CD38: variants seen among roughly 807,000 people sequenced by gnomAD.
CD38 encodes CD38 molecule, also known as ADP-ribosyl cyclase/cyclic ADP-ribose hydrolase 1.
CD38 carries 31 observed loss-of-function variants against 36.3 expected under a neutral mutation model. The observed-to-expected ratio is 0.85, with a 90% CI of 0.64 to 1.15. CD38 has a LOEUF of 1.15. Ranked by LOEUF, CD38 falls within the 50% of genes most tolerant of loss-of-function variation. The pLI is 0.00. For missense variants in CD38, 380 were observed against 371.9 expected (o/e 1.02, Z -0.18); for synonymous variants, 131 against 135.2 (o/e 0.97, Z 0.22).
intron 3 of CD38, among the ~76,000 whole-genome samples, chr4:15,831,157 C>T (rs1723950933): frequency 6.6e-6 from 1 of 152,156 alleles, no homozygotes; most frequent in Non-Finnish European, 1.5e-5. Flanking sequence ...AAAGCTAATA[C>T]AAACTCTATA....
At chr4:15,823,053 G>A (rs7670690) in intron 2 of CD38, among the ~76,000 whole-genome samples, 58,333 of 151,878 alleles carry the variant, frequency 0.38, 12,378 homozygotes, top group African/African-American at 0.57. Flanking sequence ...CTAATCTTTG[G>A]CAAACCTGAC....
intron 1 of CD38, among the ~76,000 whole-genome samples, chr4:15,779,445 C>T (rs1306320898): frequency 2.0e-5 from 3 of 152,130 alleles, no homozygotes; most frequent in South Asian, 4.1e-4. Flanking sequence ...ATTTGATTCC[C>T]AGGCCTCGCT....
chr4:15,827,702 A>G (rs1723878673), intron 3 of CD38, among the ~76,000 whole-genome samples: 1 of 152,006 alleles, frequency 6.6e-6, no homozygotes, highest in Non-Finnish European at 1.5e-5. Flanking sequence ...TCTTGAAATA[A>G]AGTAGAGAAA....
chr4:15,822,153 TA>T (rs2148923769), intron 2 of CD38, among the ~76,000 whole-genome samples: 1 of 152,280 alleles, frequency 6.6e-6, no homozygotes, highest in Admixed American at 6.5e-5. Context: ...CCCTTCACGT[TA>T]AAAACTCTCA....
intron 7 of CD38, among the ~76,000 whole-genome samples, chr4:15,840,817 T>A (rs928354206): frequency 1.3e-4 from 20 of 152,210 alleles, no homozygotes; most frequent in Admixed American, 2.6e-4. Context: ...TGATGGCATA[T>A]TTTTTCATTC....
intron 1 of CD38, among the ~76,000 whole-genome samples, chr4:15,793,510 A>T (rs1723048845): frequency 6.6e-6 from 1 of 152,118 alleles, no homozygotes. Context: ...ATTATTGCTA[A>T]TGAAACGTCT....
chr4:15,823,967 C>T (rs1220440700), intron 2 of CD38, among the ~76,000 whole-genome samples: 3 of 152,126 alleles, frequency 2.0e-5, no homozygotes, highest in Admixed American at 2.0e-4. Context: ...AAATATTATG[C>T]AGCCATAAAA....
intron 1 of CD38, among the ~76,000 whole-genome samples, chr4:15,783,693 C>T (rs757242978): frequency 1.3e-5 from 2 of 152,150 alleles, no homozygotes; most frequent in Non-Finnish European, 2.9e-5. Context: ...TCTGTCTTAC[C>T]TTACGTTCTA....
At chr4:15,790,267 C>A (rs1421465587) in intron 1 of CD38, among the ~76,000 whole-genome samples, 1 of 151,742 alleles carries the variant, frequency 6.6e-6, no homozygotes, top group Admixed American at 6.6e-5. Context: ...CATCTCGGCT[C>A]ACTGCAACCT....
intron 1 of CD38, among the ~76,000 whole-genome samples, chr4:15,814,722 G>A (rs1372162780): frequency 6.6e-6 from 1 of 151,594 alleles, no homozygotes; most frequent in African/African-American, 2.4e-5. Context: ...GCTTGCTTTT[G>A]TCAGGTTTGT....
intron 1 of CD38, among the ~76,000 whole-genome samples, chr4:15,801,827 A>G (rs1420878571): frequency 2.0e-5 from 3 of 152,176 alleles, no homozygotes; most frequent in African/African-American, 7.2e-5. Context: ...TGACAAATCC[A>G]CAGCTAATAT....
chr4:15,808,465 C>A (rs1440394877), intron 1 of CD38, among the ~76,000 whole-genome samples: 2 of 152,186 alleles, frequency 1.3e-5, no homozygotes, highest in African/African-American at 4.8e-5. Flanking sequence ...GGTATAGTTG[C>A]CCAGGCAATT....
rs772659735 is a variant in CD38, at chr4:15,834,228, C to T, written c.511C>T (p.Gln171Ter). 1 of 1,605,982 alleles carries T rather than the reference C, an allele frequency of 6.2e-7. No homozygotes were observed. The highest frequency in any genetic ancestry group is 2.2e-5 in the East Asian group (1 of 44,822). ...GEFNTSKINY[Q>*]SCPDWRKDCS... Reference sequence around the variant, plus strand: ...ACTATGTCTTTTAGAAATAAACTATCAATCTTGCCCAGACTGGAGAAAGGA... The same window carrying T: ...ACTATGTCTTTTAGAAATAAACTATTAATCTTGCCCAGACTGGAGAAAGGA... The change falls in exon 4 of 8, where the codon CAA becomes TAA. Residue 171 changes from glutamine to a stop codon, truncating the protein, a stop_gained. Coordinates refer to ENST00000226279, the MANE Select transcript of CD38 (RefSeq NM_001775.4). LOFTEE classifies it high-confidence loss of function.
At chr4:15,831,156 A>G (rs1389106363) in intron 3 of CD38, among the ~76,000 whole-genome samples, 2 of 152,242 alleles carry the variant, frequency 1.3e-5, no homozygotes, top group Non-Finnish European at 2.9e-5. Flanking sequence ...GAAAGCTAAT[A>G]CAAACTCTAT....
chr4:15,808,859 T>G (rs1046545204), intron 1 of CD38, among the ~76,000 whole-genome samples: 25 of 152,226 alleles, frequency 1.6e-4, no homozygotes, highest in African/African-American at 4.1e-4. Context: ...AAAGCTTTTC[T>G]TTCTCTAAAA....
chr4:15,836,474 A>G (rs1724072157), intron 4 of CD38, among the ~76,000 whole-genome samples: 1 of 152,210 alleles, frequency 6.6e-6, no homozygotes, highest in Admixed American at 6.5e-5. Flanking sequence ...AAATCATAGC[A>G]GCATATCTGT....
chr4:15,804,504 GA>G (rs1417056232), intron 1 of CD38, among the ~76,000 whole-genome samples: 3 of 152,132 alleles, frequency 2.0e-5, no homozygotes, highest in African/African-American at 7.2e-5. Context: ...TTATAATAAT[GA>G]AGATATGGAA....
At chr4:15,814,169 G>A (rs951927031) in intron 1 of CD38, among the ~76,000 whole-genome samples, 1 of 152,146 alleles carries the variant, frequency 6.6e-6, no homozygotes, top group Non-Finnish European at 1.5e-5. Flanking sequence ...TATCCATTGC[G>A]ATTTTGATTT....
At chr4:15,828,096 C>T (rs574032070) in intron 3 of CD38, among the ~76,000 whole-genome samples, 37 of 152,270 alleles carry the variant, frequency 2.4e-4, no homozygotes, top group Non-Finnish European at 4.0e-4. Flanking sequence ...TTCACTGCAA[C>T]CTTGACCTAC....
Sources: allele counts gnomAD v4.1 joint callset (sites outside exome capture counted in the v4.1 genomes callset), GRCh38; gene constraint gnomAD v4.1.1; transcripts MANE v1.5; gene names NCBI Gene and HGNC (gene_info 2026-07-23, HGNC 2026-07-21).